Variants in ADGRB3 observed in about 807,000 individuals in gnomAD.
The protein encoded by ADGRB3 is adhesion G protein-coupled receptor B3.
A neutral mutation model predicts 193.4 loss-of-function variants in ADGRB3; 37 were observed. The observed-to-expected ratio is 0.19, with a 90% CI of 0.15 to 0.25. The LOEUF (loss-of-function observed/expected upper bound fraction) is 0.25, where lower values mean the gene tolerates loss of function less well. Among genes scored for constraint, ADGRB3 ranks in the 10% least tolerant of loss-of-function variants. The pLI is 1.00. For missense variants in ADGRB3, 1,637 were observed against 1,852.9 expected, an observed-to-expected ratio of 0.88 and a Z score of 2.14; for synonymous variants, 690 against 644.2, an observed-to-expected ratio of 1.07 and a Z score of -1.08.
chr6:69,207,864 T>G (rs1765572219), intron 17 of ADGRB3, among the ~76,000 whole-genome samples: 1 of 152,138 alleles, frequency 6.6e-6, no homozygotes, highest in South Asian at 2.1e-4. Context: ...ATTCTGTGAG[T>G]CCACAGATGG....
At chr6:68,765,663 T>A (rs184868418) in intron 3 of ADGRB3, among the ~76,000 whole-genome samples, 1 of 152,172 alleles carries the variant, frequency 6.6e-6, no homozygotes, top group Non-Finnish European at 1.5e-5. Context: ...ATTATATTCA[T>A]CTTTATTTAT....
intron 3 of ADGRB3, among the ~76,000 whole-genome samples, chr6:68,674,596 A>G (rs1418958293): frequency 6.6e-6 from 1 of 152,178 alleles, no homozygotes; most frequent in Non-Finnish European, 1.5e-5. Context: ...CTCTTGGTTT[A>G]TCATGCAAAG....
At chr6:68,743,020 A>G (rs1766010891) in intron 3 of ADGRB3, among the ~76,000 whole-genome samples, 1 of 152,040 alleles carries the variant, frequency 6.6e-6, no homozygotes, top group South Asian at 2.1e-4. Context: ...AGATATGACT[A>G]GGCATGCGTA....
intron 20 of ADGRB3, among the ~76,000 whole-genome samples, chr6:69,284,513 A>T (rs1179092851): frequency 6.6e-6 from 1 of 152,134 alleles, no homozygotes; most frequent in Non-Finnish European, 1.5e-5. Context: ...CCAAGCACTC[A>T]ACAAAGATCC....
At chr6:68,670,025 T>C (rs567495834) in intron 3 of ADGRB3, among the ~76,000 whole-genome samples, 4 of 152,206 alleles carry the variant, frequency 2.6e-5, no homozygotes, top group Middle Eastern at 3.4e-3. Context: ...ATCAGTGATG[T>C]TGAGCACATT....
intron 8 of ADGRB3, among the ~76,000 whole-genome samples, chr6:68,963,672 C>A (rs576765238): frequency 6.6e-6 from 1 of 152,144 alleles, no homozygotes; most frequent in African/African-American, 2.4e-5. Flanking sequence ...CTTGGGCTCC[C>A]CTAATGTCCC....
intron 3 of ADGRB3, among the ~76,000 whole-genome samples, chr6:68,896,285 T>C (rs967644902): frequency 1.3e-5 from 2 of 152,126 alleles, no homozygotes; most frequent in Non-Finnish European, 2.9e-5. Context: ...TGATACATAC[T>C]ACTATGTAGA....
intron 15 of ADGRB3, 35 bp from the exon 16 acceptor site, chr6:69,062,899 C>A: frequency 6.8e-7 from 1 of 1,478,564 alleles, no homozygotes; most frequent in Non-Finnish European, 9.4e-7. Context: ...TTTCAGCACT[C>A]ATTTCTCCTT....
chr6:68,973,565 C>G (rs77445966), intron 8 of ADGRB3, among the ~76,000 whole-genome samples: 4,498 of 152,260 alleles, frequency 0.03, 84 homozygotes, highest in East Asian at 0.052. Context: ...AGAAATCACA[C>G]TCCTGTGTTT....
At chr6:68,912,867 G>A (rs912328541) in intron 3 of ADGRB3, among the ~76,000 whole-genome samples, 10 of 152,226 alleles carry the variant, frequency 6.6e-5, no homozygotes, top group East Asian at 3.9e-4. Flanking sequence ...CTAATACTGC[G>A]CTTTTCCGAT....
chr6:69,165,469 G>C (rs1366263211), intron 17 of ADGRB3, among the ~76,000 whole-genome samples: 1 of 148,520 alleles, frequency 6.7e-6, no homozygotes, highest in African/African-American at 2.5e-5. Context: ...AACACACCAT[G>C]CTCTTTTGGA....
At chr6:69,041,352 A>ATG (rs913548014) in intron 13 of ADGRB3, among the ~76,000 whole-genome samples, 29 of 151,940 alleles carry the variant, frequency 1.9e-4, no homozygotes, top group African/African-American at 6.8e-4. Flanking sequence ...GAGCATATAT[A>ATG]TATTTCCCCT....
intron 16 of ADGRB3, among the ~76,000 whole-genome samples, chr6:69,068,873 C>T (rs940756036): frequency 1.3e-5 from 2 of 152,128 alleles, no homozygotes; most frequent in African/African-American, 2.4e-5. Flanking sequence ...CTAATTAAAA[C>T]AGTATTCTAC....
chr6:68,812,007 A>T (rs1767521651), intron 3 of ADGRB3, among the ~76,000 whole-genome samples: 1 of 152,240 alleles, frequency 6.6e-6, no homozygotes, highest in South Asian at 2.1e-4. Flanking sequence ...CAAGACTATA[A>T]TGCCACATTA....
chr6:69,098,392 C>A (rs1772944529), intron 17 of ADGRB3, among the ~76,000 whole-genome samples: 1 of 152,148 alleles, frequency 6.6e-6, no homozygotes, highest in South Asian at 2.1e-4. Flanking sequence ...GTTATGGGCT[C>A]CCAACTAATG....
At chr6:69,341,727 T>C (rs1768977082) in intron 26 of ADGRB3, among the ~76,000 whole-genome samples, 2 of 152,158 alleles carry the variant, frequency 1.3e-5, no homozygotes, top group Admixed American at 6.5e-5. Context: ...TCTTCTATAT[T>C]AATATTATTG....
intron 3 of ADGRB3, among the ~76,000 whole-genome samples, chr6:68,792,703 A>T (rs1329592069): frequency 1.3e-5 from 2 of 152,200 alleles, no homozygotes; most frequent in African/African-American, 4.8e-5. Flanking sequence ...AGTTGTTTTA[A>T]TATACGGAGT....
intron 3 of ADGRB3, among the ~76,000 whole-genome samples, chr6:68,824,410 TA>T (rs1238161722): frequency 6.7e-6 from 1 of 150,200 alleles, no homozygotes; most frequent in Non-Finnish European, 1.5e-5. Context: ...CATAAATATA[TA>T]ATGTATTTAG....
At position 68,781,667 on chromosome 6, in the gene ADGRB3, C is replaced by CA. The variant is rs1459296992; in HGVS notation, c.757+142242dup. Among the ~76,000 whole-genome samples, 14 of 151,850 alleles carry CA rather than the reference C, an allele frequency of 9.2e-5. No individual in the cohort carries two copies. The South Asian group carries it at 2.1e-3, about 23-fold the overall frequency. ...ATGATTACAATTAGATAAAATAGCT[C>CA]AAAAAAACAGGCAGGGGAGGGTGAG... On this transcript the variant is annotated intron_variant, in intron 3 of 31. Transcript: ENST00000370598.
Sources: allele counts gnomAD v4.1 joint callset (sites outside exome capture counted in the v4.1 genomes callset), GRCh38; gene constraint gnomAD v4.1.1; transcripts MANE v1.5; gene names NCBI Gene and HGNC (gene_info 2026-07-23, HGNC 2026-07-21).